The following PRDM10 variants were observed in gnomAD, a reference collection of about 807,000 sequenced individuals.
PRDM10 encodes the protein PR domain zinc finger protein 10.
In PRDM10, 65 loss-of-function variants were observed where a neutral mutation model predicts 133.1. The ratio of observed to expected loss-of-function variants is 0.49; its 90% CI spans 0.40 to 0.60. The LOEUF (loss-of-function observed/expected upper bound fraction) is 0.60. Among genes scored for constraint, PRDM10 ranks in the 20% least tolerant of loss-of-function variants. PRDM10 has a pLI of 0.00. For synonymous variants in PRDM10, 582 were observed against 580.4 expected (o/e 1.00, Z -0.04); for missense variants, 1,137 against 1,507.1 (o/e 0.75, Z 4.07).
In PRDM10 at chr11:129,978,882, C is replaced by T. The variant is rs574453356; in HGVS notation, c.-118-17800G>A. ...TTTTCATGTACCAAAAAACAAAGAC[C>T]GATCCTCCCATCCCATTTGAGAGTT... On this transcript the variant is annotated intron_variant, in intron 1 of 20. Coordinates refer to ENST00000360871, the MANE Select transcript of PRDM10 (RefSeq NM_199437.2). 1.1e-3 allele frequency among the ~76,000 whole-genome samples: 169 copies of T among 152,226 alleles called. 1 individual carries two copies. Among genetic ancestry groups the T allele is most frequent in the African/African-American group, 3.9e-3 (162 of 41,542 alleles).
At chr11:129,963,379 A>AGAG (rs1951834264) in intron 1 of PRDM10, among the ~76,000 whole-genome samples, 4 of 32,354 alleles carry the variant, frequency 1.2e-4, no homozygotes, top group Non-Finnish European at 1.1e-4. Context: ...CTGAAAGAAA[A>AGAG]AAGAGAGAAG....
At chr11:129,935,443 G>C (rs973889761) in intron 8 of PRDM10, among the ~76,000 whole-genome samples, 1 of 152,054 alleles carries the variant, frequency 6.6e-6, no homozygotes, top group African/African-American at 2.4e-5. Context: ...AGACATCAAA[G>C]GAACAAGTAC....
intron 11 of PRDM10, among the ~76,000 whole-genome samples, chr11:129,925,545 T>A (rs1950651486): frequency 6.6e-6 from 1 of 152,250 alleles, no homozygotes; most frequent in East Asian, 1.9e-4. Context: ...ATAAAACAAA[T>A]CCCACAGTGG....
In PRDM10 at chr11:129,946,488, A is replaced by T. The variant is rs539626684; in HGVS notation, c.520+657T>A. On this transcript the variant is annotated intron_variant, in intron 5 of 20. Transcript: ENST00000360871. ...CAAATCAATGAGTAAGCACTTTGCCACATAAGCAAGAAAATCCACAGAAAG... is the reference window on the plus strand; with the variant it reads ...CAAATCAATGAGTAAGCACTTTGCCTCATAAGCAAGAAAATCCACAGAAAG... Among the ~76,000 whole-genome samples the T allele has an allele frequency of 1.1e-4, 17 of 152,246 alleles. No homozygotes were observed. The South Asian group carries it at 3.3e-3, about 30-fold the overall frequency.
At chr11:129,995,253 C>T (rs957333920) in intron 1 of PRDM10, among the ~76,000 whole-genome samples, 3 of 152,168 alleles carry the variant, frequency 2.0e-5, no homozygotes, top group Admixed American at 6.5e-5. Context: ...ATGGAAGAGA[C>T]TGAAACCTTA....
chr11:129,905,628 C>G lies in PRDM10; in HGVS notation c.3267+10G>C, dbSNP rs1038772303. ...GGACAGGAAAAACCCGACCGAGTAG[C>G]GTAGCTTACCGAAGTAACCGCCTTC... On this transcript the variant is annotated intron_variant, in intron 20 of 20. Transcript: ENST00000360871. The G allele has an allele frequency of 1.2e-6, 2 of 1,608,930 alleles. No individual in the cohort carries two copies. The highest frequency in any genetic ancestry group is 2.2e-5 in the East Asian group (1 of 44,844).
chr11:129,916,272 C>T lies in PRDM10; in HGVS notation c.2326-412G>A, dbSNP rs1487768465. Among the ~76,000 whole-genome samples the T allele has an allele frequency of 3.3e-5, 5 of 152,276 alleles. 1 individual carries two copies. Among genetic ancestry groups the T allele is most frequent in the East Asian group, 3.9e-4 (2 of 5,184 alleles). ...AGCCAGAGAATCTTCCAAATGGCAA[C>T]GTCAATAGCAACTGCTATCTATAGT... is the stretch of plus-strand genomic sequence containing the variant. On this transcript the variant is annotated intron_variant, in intron 15 of 20. Transcript: ENST00000360871.
chr11:129,926,308 T>C (rs544410066), intron 11 of PRDM10, among the ~76,000 whole-genome samples: 3 of 152,298 alleles, frequency 2.0e-5, no homozygotes, highest in East Asian at 1.9e-4. Flanking sequence ...ACACAGAGAA[T>C]GCAGAATCAA....
chr11:129,984,419 C>G (rs780942682), intron 1 of PRDM10, among the ~76,000 whole-genome samples: 1 of 152,206 alleles, frequency 6.6e-6, no homozygotes, highest in Non-Finnish European at 1.5e-5. Context: ...TCTGTCTGCT[C>G]TTCCCCACAT....
rs531172781 is a variant in PRDM10, at chr11:129,899,723, TACAA to T, written c.*2586_*2589del. On this transcript the variant is annotated 3_prime_UTR_variant, in exon 21 of 21. Coordinates refer to ENST00000360871, the MANE Select transcript of PRDM10 (RefSeq NM_199437.2). Reference sequence around the variant, plus strand: ...AAAATAGCTCTTGTAGCTTCACACATACAAACATGTTTATTAAAAAATATATTTA... The same window carrying T: ...AAAATAGCTCTTGTAGCTTCACACATACATGTTTATTAAAAAATATATTTA... The T allele has an allele frequency of 6.6e-6, 1 of 152,466 alleles. No homozygotes were observed. The highest frequency in any genetic ancestry group is 1.5e-5 in the Non-Finnish European group (1 of 68,028). The allele number at this position is 152,466 out of a possible 1,614,324, so 9.4% of individuals were successfully genotyped here. A position where few individuals can be genotyped will look rare whatever the true frequency, so the allele number is the denominator to read the frequency against.
Position 129,947,925 on chromosome 11 carries a change from GTAAA to G in PRDM10, c.295-559_295-556del. ...GAGTAGCCATACCACACTGGAGGGG[GTAAA>G]TGAGTTGACCTATCCTCAACCACTT... On this transcript the variant is annotated intron_variant, in intron 4 of 20. Transcript: ENST00000360871. This position sits in a 1 kb window ranked among gnomAD's most constrained non-coding sequence, Gnocchi z 4.6. 1 of 412,004 alleles carries G rather than the reference GTAAA, an allele frequency of 2.4e-6. No individual in the cohort carries two copies. The highest frequency in any genetic ancestry group is 4.9e-6 in the Non-Finnish European group (1 of 206,150). The allele number at this position is 412,004 out of a possible 1,614,324, so 25.5% of individuals were successfully genotyped here.
chr11:129,932,256 G>C (rs746798196), intron 9 of PRDM10, 25 bp from the exon 10 acceptor site: 2 of 1,611,858 alleles, frequency 1.2e-6, no homozygotes, highest in East Asian at 4.5e-5. Context: ...TTGGGTTACA[G>C]GTCGTCATGG....
At chr11:129,934,440 C>T (rs1950965110) in intron 9 of PRDM10, among the ~76,000 whole-genome samples, 1 of 152,202 alleles carries the variant, frequency 6.6e-6, no homozygotes, top group South Asian at 2.1e-4. Context: ...ACCCTCATTC[C>T]TCCCCCAAAC....
rs1251212020 is a variant in PRDM10, at chr11:129,964,592, G to A, written c.-118-3510C>T. 2.0e-5 allele frequency among the ~76,000 whole-genome samples: 3 copies of A among 152,140 alleles called. No homozygotes were observed. The East Asian group carries it at 5.8e-4, about 29-fold the overall frequency. ...TTCTTCTATATCTTGTTTGTCCCATGTAATATCATACCTTTCATATTGTTC... is the reference window on the plus strand; with the variant it reads ...TTCTTCTATATCTTGTTTGTCCCATATAATATCATACCTTTCATATTGTTC... On this transcript the variant is annotated intron_variant, in intron 1 of 20. Transcript: ENST00000360871.
chr11:129,979,880 C>T (rs1252613933), intron 1 of PRDM10, among the ~76,000 whole-genome samples: 1 of 152,266 alleles, frequency 6.6e-6, no homozygotes, highest in African/African-American at 2.4e-5. Flanking sequence ...GCTTCTCTGC[C>T]TCTCGGCAGC....
intron 11 of PRDM10, among the ~76,000 whole-genome samples, chr11:129,927,175 TCAAAAAAAAAAAAAAAAAA>T (rs1950704728): frequency 2.6e-5 from 1 of 39,168 alleles, no homozygotes; most frequent in African/African-American, 1.2e-4. Context: ...AGACTCTGTC[TCAAAAAAAAAAAAAAAAAA>T]AAAAAAAAAA....
intron 11 of PRDM10, among the ~76,000 whole-genome samples, chr11:129,930,607 T>C (rs1017973913): frequency 2.6e-5 from 4 of 152,232 alleles, no homozygotes; most frequent in African/African-American, 9.6e-5. Flanking sequence ...CCTGGGAAGC[T>C]GTAGATAAGC....
At chr11:130,002,203 G>C (rs926966102) in intron 1 of PRDM10, among the ~76,000 whole-genome samples, 3 of 147,926 alleles carry the variant, frequency 2.0e-5, no homozygotes, top group African/African-American at 4.9e-5. Flanking sequence ...CGCCGCGCCC[G>C]GAGCGCCCGC....
intron 1 of PRDM10, among the ~76,000 whole-genome samples, chr11:129,997,436 T>G (rs1279886036): frequency 6.7e-6 from 1 of 149,024 alleles, no homozygotes; most frequent in Non-Finnish European, 1.5e-5. Context: ...GCTATGATGG[T>G]GCCCCCGCAT....
Sources: gnomAD v4.1 joint callset for allele counts (sites outside exome capture counted in the v4.1 genomes callset) on GRCh38, gnomAD v4.1.1 for gene constraint, Gnocchi (gnomAD v3.1) non-coding constraint, MANE v1.5 for transcripts, NCBI Gene and HGNC (gene_info 2026-07-23, HGNC 2026-07-21) for gene names.